The following SHROOM3 variants were observed in gnomAD, a reference collection of about 807,000 sequenced individuals.
The protein encoded by SHROOM3 is shroom family member 3.
Under a neutral mutation model 138.6 loss-of-function variants are expected in SHROOM3, and 47 were observed. The ratio of observed to expected loss-of-function variants is 0.34; its 90% CI spans 0.27 to 0.43. SHROOM3 has a LOEUF of 0.43. SHROOM3 is among the 20% of genes least tolerant of loss of function. The pLI is 1.00. For synonymous variants in SHROOM3, 1,062 were observed against 1,063.3 expected (o/e 1.00, Z 0.02); for missense variants, 2,491 against 2,596.5 (o/e 0.96, Z 0.88).
chr4:76,575,010 C>T (rs894987455), intron 2 of SHROOM3, among the ~76,000 whole-genome samples: 6 of 152,154 alleles, frequency 3.9e-5, no homozygotes, highest in Non-Finnish European at 5.9e-5. Flanking sequence ...CACAACCAAG[C>T]GGGATTTATC....
chr4:76,672,786 A>G (rs1475165227), intron 2 of SHROOM3, among the ~76,000 whole-genome samples: 2 of 152,098 alleles, frequency 1.3e-5, no homozygotes, highest in Non-Finnish European at 2.9e-5. Flanking sequence ...GTTAGCCAGG[A>G]TGGTCTCATC....
chr4:76,638,944 T>G (rs1394983047), intron 2 of SHROOM3: 1 of 152,156 alleles, frequency 6.6e-6, no homozygotes, highest in Non-Finnish European at 1.5e-5. Context: ...TGACCTAACC[T>G]CTTGGGAAGG....
chr4:76,481,597 T>A (rs956815436), intron 1 of SHROOM3, among the ~76,000 whole-genome samples: 2 of 151,988 alleles, frequency 1.3e-5, no homozygotes, highest in African/African-American at 4.8e-5. Flanking sequence ...TCTGAAACTA[T>A]TCCAAACAAT....
At chr4:76,690,982 A>G (rs1719515381) in intron 2 of SHROOM3, among the ~76,000 whole-genome samples, 1 of 152,224 alleles carries the variant, frequency 6.6e-6, no homozygotes, top group Non-Finnish European at 1.5e-5. Flanking sequence ...TTGGAACAGA[A>G]TTTATTGTGG....
intron 2 of SHROOM3, among the ~76,000 whole-genome samples, chr4:76,707,532 A>C (rs552168769): frequency 7.2e-5 from 11 of 152,208 alleles, no homozygotes; most frequent in Non-Finnish European, 1.0e-4. Context: ...ATTCCCCGAT[A>C]AGATCAAAGC....
At chr4:76,589,738 C>A (rs1734226796) in intron 2 of SHROOM3, among the ~76,000 whole-genome samples, 1 of 152,238 alleles carries the variant, frequency 6.6e-6, no homozygotes, top group Non-Finnish European at 1.5e-5. Flanking sequence ...TCCCAGCAAT[C>A]AGCCTCTGAA....
chr4:76,470,030 A>T (rs903576778), intron 1 of SHROOM3, among the ~76,000 whole-genome samples: 1 of 151,760 alleles, frequency 6.6e-6, no homozygotes, highest in Admixed American at 6.6e-5. Context: ...TTAAACAAAA[A>T]TTATAGCTAA....
chr4:76,491,729 A>G (rs1322750523), intron 1 of SHROOM3, among the ~76,000 whole-genome samples: 1 of 152,124 alleles, frequency 6.6e-6, no homozygotes, highest in Non-Finnish European at 1.5e-5. Context: ...CTCTTATGTG[A>G]AAAAAGCACC....
rs145334622 is a variant in SHROOM3, at chr4:76,615,104, C to G, written c.323+59341C>G. Among the ~76,000 whole-genome samples, 232 of 152,286 alleles carry G rather than the reference C, an allele frequency of 1.5e-3. 1 individual carries two copies. The highest frequency in any genetic ancestry group is 3.4e-3 in the Middle Eastern group (1 of 294). ...GTGTGGAGCATGGATACAAAAGCAGCAAGGACAGAGCATGAACACAGGAGG... is the reference window on the plus strand; with the variant it reads ...GTGTGGAGCATGGATACAAAAGCAGGAAGGACAGAGCATGAACACAGGAGG... On this transcript the variant is annotated intron_variant, in intron 2 of 10. Coordinates refer to ENST00000296043, the MANE Select transcript of SHROOM3 (RefSeq NM_020859.4).
chr4:76,747,254 T>C (rs1721469672), intron 5 of SHROOM3, among the ~76,000 whole-genome samples: 1 of 152,248 alleles, frequency 6.6e-6, no homozygotes, highest in Non-Finnish European at 1.5e-5. Context: ...CTGTTTTTTT[T>C]TCCCTGTAAT....
At chr4:76,710,025 G>C (rs1029003462) in intron 2 of SHROOM3, 131 bp from the exon 3 acceptor site, 2 of 1,183,034 alleles carry the variant, frequency 1.7e-6, no homozygotes, top group African/African-American at 3.0e-5. Context: ...TTAGAACCCT[G>C]CACTTAGCTG....
At chr4:76,583,835 C>T (rs1734096730) in intron 2 of SHROOM3, among the ~76,000 whole-genome samples, 3 of 152,056 alleles carry the variant, frequency 2.0e-5, no homozygotes, top group Non-Finnish European at 2.9e-5. Context: ...GTTGGAACCA[C>T]ATGAAATTTC....
intron 10 of SHROOM3, among the ~76,000 whole-genome samples, chr4:76,775,169 A>C (rs1039726434): frequency 6.6e-6 from 1 of 152,070 alleles, no homozygotes; most frequent in African/African-American, 2.4e-5. Flanking sequence ...TTGCATCCTC[A>C]ATAGCTTAGC....
chr4:76,696,016 C>A (rs1719714623), intron 2 of SHROOM3, among the ~76,000 whole-genome samples: 1 of 152,096 alleles, frequency 6.6e-6, no homozygotes, highest in East Asian at 1.9e-4. Context: ...CCAATTATGT[C>A]CATCCAAATG....
intron 9 of SHROOM3, among the ~76,000 whole-genome samples, chr4:76,767,859 C>A (rs1456483708): frequency 1.3e-5 from 2 of 152,108 alleles, no homozygotes; most frequent in Non-Finnish European, 2.9e-5. Flanking sequence ...CTGAAAAAAA[C>A]CACCTTGTTT....
intron 2 of SHROOM3, among the ~76,000 whole-genome samples, chr4:76,701,838 T>C (rs1169867130): frequency 6.6e-6 from 1 of 152,152 alleles, no homozygotes; most frequent in Non-Finnish European, 1.5e-5. Context: ...CCACATATGC[T>C]CTCAGGATAG....
intron 2 of SHROOM3, among the ~76,000 whole-genome samples, chr4:76,613,313 T>A (rs1286741426): frequency 1.3e-5 from 2 of 152,166 alleles, no homozygotes; most frequent in Non-Finnish European, 2.9e-5. Flanking sequence ...GTTAGAAAGT[T>A]GAAATTGTGA....
rs1288918811 is a variant in SHROOM3, at chr4:76,741,203, C to T, written c.3030C>T (p.Arg1010=). 1 of 1,604,724 alleles carries T rather than the reference C, an allele frequency of 6.2e-7. No homozygotes were observed. Among genetic ancestry groups the T allele is most frequent in the African/African-American group, 1.3e-5 (1 of 74,800 alleles). Reference sequence around the variant, plus strand: ...CCGCCCGGAGAGGTGCTCGCCGGCGCCTGACTCCCGAGCAGAAGAAGCGCT... The same window carrying T: ...CCGCCCGGAGAGGTGCTCGCCGGCGTCTGACTCCCGAGCAGAAGAAGCGCT... The part of the protein sequence containing the change: ...PPAARRGARR[R]LTPEQKKRSY... Residue 1010 remains arginine (R), a synonymous_variant, in exon 5 of 11, where the codon CGC becomes CGT. Transcript: ENST00000296043. The surrounding 1 kb of genome is among the most constrained non-coding windows in gnomAD (Gnocchi z 6.2).
At chr4:76,613,845 A>G (rs1222074743) in intron 2 of SHROOM3, among the ~76,000 whole-genome samples, 5 of 152,198 alleles carry the variant, frequency 3.3e-5, no homozygotes, top group Admixed American at 6.5e-5. Flanking sequence ...ACTTTTGCTC[A>G]GCAAGCCACT....
Sources: gnomAD v4.1 joint callset for allele counts (sites outside exome capture counted in the v4.1 genomes callset) on GRCh38, gnomAD v4.1.1 for gene constraint, Gnocchi (gnomAD v3.1) non-coding constraint, MANE v1.5 for transcripts, NCBI Gene and HGNC (gene_info 2026-07-23, HGNC 2026-07-21) for gene names.